GSE1: variants seen among roughly 807,000 people sequenced by gnomAD.
The protein encoded by GSE1 is Gse1 coiled-coil protein.
Under a neutral mutation model 112.6 loss-of-function variants are expected in GSE1, and 32 were observed. That is an observed-to-expected ratio of 0.28 (90% CI 0.21 to 0.38). GSE1 has a LOEUF of 0.38. Ranked by LOEUF, GSE1 falls within the 10% of genes least tolerant of loss-of-function variation. The probability of loss-of-function intolerance (pLI) is 1.00; values close to 1 mark genes in which losing one functional copy is unlikely to be tolerated. For synonymous variants in GSE1, 1,115 were observed against 735.6 expected (o/e 1.52, Z -8.35); for missense variants, 2,348 against 1,699.2 (o/e 1.38, Z -6.71).
chr16:85,265,013 A>G (rs1244458037), intron 1 of GSE1, among the ~76,000 whole-genome samples: 1 of 152,228 alleles, frequency 6.6e-6, no homozygotes, highest in African/African-American at 2.4e-5. Context: ...GTGAAGAGTA[A>G]ACGAGCAGGC....
chr16:85,625,075 G>A (rs575334750), intron 1 of GSE1, among the ~76,000 whole-genome samples: 12 of 152,250 alleles, frequency 7.9e-5, no homozygotes, highest in South Asian at 2.1e-4. Flanking sequence ...TCTGGACACC[G>A]ACCCCAGCCT....
intron 2 of GSE1, among the ~76,000 whole-genome samples, chr16:85,397,856 C>T (rs935785452): frequency 2.0e-5 from 3 of 152,106 alleles, no homozygotes; most frequent in Non-Finnish European, 2.9e-5. Context: ...TCCTCCAGCC[C>T]GCATAGAAGG....
chr16:85,420,043 G>A (rs1182704824), intron 2 of GSE1, among the ~76,000 whole-genome samples: 3 of 152,138 alleles, frequency 2.0e-5, no homozygotes, highest in South Asian at 2.1e-4. Flanking sequence ...ACAAGTCCCT[G>A]CCCTAAAGTG....
rs149730948 is a variant in GSE1, at chr16:85,281,859, C to T, written c.2284-75604C>T. Among the ~76,000 whole-genome samples the T allele has an allele frequency of 2.2e-3, 329 of 152,224 alleles. 1 individual carries two copies. Among genetic ancestry groups the T allele is most frequent in the African/African-American group, 7.4e-3 (307 of 41,518 alleles). On this transcript the variant is annotated intron_variant, in intron 1 of 2. Transcript: ENST00000637419. ...CTGGAAGCAAAGCGGAATAGATTCA[C>T]GTTATCTGAGCAGGACACGCCCACC...
In GSE1 at chr16:85,519,534, C is replaced by CCACCATCACCAGTCTCCAT. The variant is rs1567555706; in HGVS notation, c.2465-114378_2465-114377insCCATCACCAGTCTCCATCA. Among the ~76,000 whole-genome samples, 13 of 52,742 alleles carry CCACCATCACCAGTCTCCAT rather than the reference C, an allele frequency of 2.5e-4. 3 individuals carry two copies. Among genetic ancestry groups the CCACCATCACCAGTCTCCAT allele is most frequent in the South Asian group, 9.9e-4 (1 of 1,012 alleles). 34.6% of individuals were successfully genotyped at this position (52,742 alleles called of 152,430 possible). A position where few individuals can be genotyped will look rare whatever the true frequency, so the allele number is the denominator to read the frequency against. On this transcript the variant is annotated intron_variant, in intron 2 of 2. Coordinates refer to the GSE1 transcript ENST00000637419. ...GTCTCCATCATCATCACCTTCACCACCATCATCACTATTACCACCATCACT... is the reference window on the plus strand; with the variant it reads ...GTCTCCATCATCATCACCTTCACCACCACCATCACCAGTCTCCATCATCATCACTATTACCACCATCACT...
chr16:85,288,981 G>GA (rs1454024619), intron 1 of GSE1, among the ~76,000 whole-genome samples: 5 of 152,148 alleles, frequency 3.3e-5, no homozygotes, highest in African/African-American at 1.2e-4. Context: ...AGAAAACAAT[G>GA]GTGTCAGGCT....
intron 2 of GSE1, among the ~76,000 whole-genome samples, chr16:85,371,974 G>A (rs961221458): frequency 6.6e-6 from 1 of 152,214 alleles, no homozygotes; most frequent in African/African-American, 2.4e-5. Flanking sequence ...GAGAGGAAGC[G>A]TGCAGAGGGG....
intron 1 of GSE1, among the ~76,000 whole-genome samples, chr16:85,567,481 G>T (rs1011569687): frequency 6.6e-6 from 1 of 152,128 alleles, no homozygotes; most frequent in African/African-American, 2.4e-5. Context: ...CTGGCTGTTC[G>T]CCAGACCGCA....
intron 2 of GSE1, among the ~76,000 whole-genome samples, chr16:85,478,494 T>C (rs1597883231): frequency 6.9e-6 from 1 of 145,868 alleles, no homozygotes; most frequent in Non-Finnish European, 1.5e-5. Context: ...GCCATTGCAC[T>C]GCAGCCTGGG....
At chr16:85,363,882 G>A (rs1164699882) in intron 2 of GSE1, among the ~76,000 whole-genome samples, 1 of 152,160 alleles carries the variant, frequency 6.6e-6, no homozygotes, top group African/African-American at 2.4e-5. Flanking sequence ...GATCCAGAAG[G>A]TCCCTTCCCT....
At chr16:85,398,834 C>T (rs1411048655) in intron 2 of GSE1, among the ~76,000 whole-genome samples, 1 of 152,106 alleles carries the variant, frequency 6.6e-6, no homozygotes, top group African/African-American at 2.4e-5. Flanking sequence ...TGCATGTGTA[C>T]ACGTGCACAT....
chr16:85,474,475 C>T lies in GSE1; in HGVS notation c.2464+116832C>T, dbSNP rs559087537. 1.8e-4 allele frequency among the ~76,000 whole-genome samples: 27 copies of T among 152,206 alleles called. No individual in the cohort carries two copies. The South Asian group carries it at 5.0e-3, about 28-fold the overall frequency. On this transcript the variant is annotated intron_variant, in intron 2 of 2. Coordinates refer to the GSE1 transcript ENST00000637419. ...GCCAGAGGGGCCATGCCAGCCCCGG[C>T]GGGGAGTCACATTTCATTTTCCTCT...
In GSE1 at chr16:85,246,505, C is replaced by A. The variant is rs1216331161; in HGVS notation, c.2283+74698C>A. 4.2e-4 allele frequency among the ~76,000 whole-genome samples: 39 copies of A among 92,860 alleles called. 8 individuals are homozygous for A. The highest frequency in any genetic ancestry group is 1.3e-3 in the African/African-American group (37 of 28,456). 60.9% of individuals were successfully genotyped at this position (92,860 alleles called of 152,430 possible). A position where few individuals can be genotyped will look rare whatever the true frequency, so the allele number is the denominator to read the frequency against. ...CACACACACACACTCTACACACCCC[C>A]CCCCCCCCGACGCTGTCTGCAGGAG... is the stretch of plus-strand genomic sequence containing the variant. On this transcript the variant is annotated intron_variant, in intron 1 of 2. Coordinates refer to the GSE1 transcript ENST00000637419.
intron 1 of GSE1, among the ~76,000 whole-genome samples, chr16:85,298,139 G>C (rs1200647052): frequency 6.6e-6 from 1 of 152,224 alleles, no homozygotes; most frequent in African/African-American, 2.4e-5. Flanking sequence ...TAGAAAAGCG[G>C]ATTCGAATTC....
rs533697973 is a variant in GSE1 at position 85,527,584 on chromosome 16, G to A, written c.2465-106330G>A. ...CTACGCACCCGCGCCACACTGCCCC[G>A]GGAGGGGCTTGCAGCGGTGAATGGG... On this transcript the variant is annotated intron_variant, in intron 2 of 2. Transcript: ENST00000637419. Among the ~76,000 whole-genome samples, 302 of 152,380 alleles carry A rather than the reference G, an allele frequency of 2.0e-3. 2 individuals are homozygous for A. Among genetic ancestry groups the A allele is most frequent in the Non-Finnish European group, 3.3e-3 (222 of 68,034 alleles).
intron 1 of GSE1, among the ~76,000 whole-genome samples, chr16:85,333,139 A>G (rs367818932): frequency 2.0e-5 from 3 of 152,080 alleles, no homozygotes; most frequent in African/African-American, 7.2e-5. Context: ...ACTGAGCTTC[A>G]CAGTGGGGAG....
At chr16:85,353,200 C>T (rs115686679) in intron 1 of GSE1, among the ~76,000 whole-genome samples, 2,271 of 152,208 alleles carry the variant, frequency 0.015, 37 homozygotes, top group African/African-American at 0.05. Context: ...TTGGCCAGGA[C>T]GCAGTCTCAC....
intron 1 of GSE1, among the ~76,000 whole-genome samples, chr16:85,174,903 G>C (rs754058201): frequency 2.0e-5 from 3 of 152,244 alleles, no homozygotes; most frequent in Admixed American, 6.5e-5. Flanking sequence ...TGATCCTCAC[G>C]TGCATCTTCC....
chr16:85,362,831 C>CTTTT (rs67922655), intron 2 of GSE1, among the ~76,000 whole-genome samples: 36 of 103,480 alleles, frequency 3.5e-4, no homozygotes, highest in African/African-American at 8.0e-4. Flanking sequence ...TTATTGATAT[C>CTTTT]TTTTTTTTTT....
Sources: gnomAD v4.1 joint callset for allele counts (sites outside exome capture counted in the v4.1 genomes callset) on GRCh38, gnomAD v4.1.1 for gene constraint, MANE v1.5 for transcripts, NCBI Gene and HGNC (gene_info 2026-07-23, HGNC 2026-07-21) for gene names.